The following STK33 variants were observed in gnomAD, a reference collection of about 807,000 sequenced individuals.
STK33 encodes the protein serine/threonine-protein kinase 33.
Under a neutral mutation model 58.0 loss-of-function variants are expected in STK33, and 52 were observed. The observed-to-expected ratio is 0.90, with a 90% confidence interval of 0.72 to 1.13. The LOEUF is 1.13. Ranked by LOEUF, STK33 falls within the 50% of genes most tolerant of loss-of-function variation. STK33 has a pLI of 0.00. For synonymous variants in STK33, 215 were observed against 200.1 expected, an observed-to-expected ratio of 1.07 and a Z score of -0.63; for missense variants, 630 against 604.2, an observed-to-expected ratio of 1.04 and a Z score of -0.45.
the STK33 span, among the ~76,000 whole-genome samples, chr11:8,368,012 C>A: frequency 6.6e-6 from 1 of 152,064 alleles, no homozygotes; most frequent in African/African-American, 2.4e-5. Flanking sequence ...GGAAGGGCAG[C>A]GAGCATGTGA....
chr11:8,395,231 A>G (rs1475685726), intron 15 of STK33, among the ~76,000 whole-genome samples: 4 of 152,208 alleles, frequency 2.6e-5, no homozygotes, highest in Non-Finnish European at 4.4e-5. Context: ...GGAGGGACCC[A>G]GTGGGAGGTA....
chr11:8,571,218 G>T (rs1428616582), intron 1 of STK33, among the ~76,000 whole-genome samples: 1 of 152,138 alleles, frequency 6.6e-6, no homozygotes, highest in African/African-American at 2.4e-5. Context: ...CATGAGTCTC[G>T]GCTAAGAGCT....
chr11:8,571,558 G>A (rs1008020527), intron 1 of STK33, among the ~76,000 whole-genome samples: 1 of 152,194 alleles, frequency 6.6e-6, no homozygotes, highest in African/African-American at 2.4e-5. Flanking sequence ...ATGGGGCCAG[G>A]CATGGTGGCT....
chr11:8,451,965 G>A (rs1946333946), intron 11 of STK33, among the ~76,000 whole-genome samples: 1 of 152,192 alleles, frequency 6.6e-6, no homozygotes, highest in African/African-American at 2.4e-5. Flanking sequence ...AACACTGGGA[G>A]GCCAAGGCAG....
At chr11:8,358,139 C>T in the STK33 span, among the ~76,000 whole-genome samples, 1 of 152,256 alleles carries the variant, frequency 6.6e-6, no homozygotes, top group African/African-American at 2.4e-5. Flanking sequence ...TGGGCCTTCT[C>T]CTGCACTTCC....
At chr11:8,587,082 A>G (rs947955817) in intron 1 of STK33, among the ~76,000 whole-genome samples, 1 of 152,184 alleles carries the variant, frequency 6.6e-6, no homozygotes, top group African/African-American at 2.4e-5. Flanking sequence ...TGTCTGATGC[A>G]CAGTAGGTGA....
At chr11:8,432,558 T>C (rs544397220) in intron 14 of STK33, among the ~76,000 whole-genome samples, 3 of 152,328 alleles carry the variant, frequency 2.0e-5, no homozygotes, top group South Asian at 4.1e-4. Flanking sequence ...GAAATAGTTA[T>C]TTTTCTTAGA....
In STK33 at chr11:8,461,752, T is replaced by C. The variant is rs1006772418; in HGVS notation, c.558+53A>G. On this transcript the variant is annotated intron_variant, in intron 8 of 15. Transcript: ENST00000687296. ...GGGATTATTTCAGAATGGAATGATATTCATTTTGTAATAATAACAACTTTC... is the reference window on the plus strand; with the variant it reads ...GGGATTATTTCAGAATGGAATGATACTCATTTTGTAATAATAACAACTTTC... 16 of 1,386,396 alleles carry C rather than the reference T, an allele frequency of 1.2e-5. No homozygotes were observed. The East Asian group carries it at 1.6e-4, about 14-fold the overall frequency. The allele number at this position is 1,386,396 out of a possible 1,614,324, so 85.9% of individuals were successfully genotyped here.
At chr11:8,402,471 G>T (rs1475768923) in intron 15 of STK33, among the ~76,000 whole-genome samples, 1 of 152,128 alleles carries the variant, frequency 6.6e-6, no homozygotes, top group Non-Finnish European at 1.5e-5. Flanking sequence ...GTTGTGGGGT[G>T]GGGGCAGCGA....
intron 11 of STK33, among the ~76,000 whole-genome samples, chr11:8,448,954 C>T (rs1473074732): frequency 4.6e-5 from 7 of 151,534 alleles, no homozygotes; most frequent in African/African-American, 1.2e-4. Flanking sequence ...CAAACAACCC[C>T]ATCAAAAAGT....
At chr11:8,556,821 C>T (rs1279415528) in intron 1 of STK33, among the ~76,000 whole-genome samples, 3 of 152,046 alleles carry the variant, frequency 2.0e-5, no homozygotes, top group Non-Finnish European at 4.4e-5. Flanking sequence ...ATATTAGGCA[C>T]CTAACAAATA....
intron 1 of STK33, among the ~76,000 whole-genome samples, chr11:8,521,936 C>T (rs1258976048): frequency 1.3e-5 from 2 of 152,170 alleles, no homozygotes; most frequent in Admixed American, 1.3e-4. Context: ...GATACCATCT[C>T]ATGCCAGTTA....
chr11:8,593,393 C>G (rs1229331617), intron 1 of STK33, among the ~76,000 whole-genome samples: 1 of 152,146 alleles, frequency 6.6e-6, no homozygotes, highest in African/African-American at 2.4e-5. Flanking sequence ...GAGCACCAGA[C>G]CACTCTTAGC....
intron 1 of STK33, among the ~76,000 whole-genome samples, chr11:8,557,627 G>C (rs949315149): frequency 6.6e-6 from 1 of 151,998 alleles, no homozygotes; most frequent in Non-Finnish European, 1.5e-5. Context: ...CAGATGTAAA[G>C]AAGGCAATTA....
At chr11:8,556,329 T>C (rs1956743081) in intron 1 of STK33, among the ~76,000 whole-genome samples, 1 of 152,216 alleles carries the variant, frequency 6.6e-6, no homozygotes. Flanking sequence ...ATGCAGATGA[T>C]ATAGCACAGT....
chr11:8,496,902 C>G (rs142085909), intron 1 of STK33, among the ~76,000 whole-genome samples: 135 of 152,042 alleles, frequency 8.9e-4, no homozygotes, highest in African/African-American at 3.2e-3. Context: ...TGTTAGGTAG[C>G]ATCCCCCAAA....
intron 15 of STK33, among the ~76,000 whole-genome samples, chr11:8,399,884 T>C (rs1427014744): frequency 1.3e-5 from 2 of 152,174 alleles, no homozygotes; most frequent in Non-Finnish European, 2.9e-5. Context: ...ATGGATAAAT[T>C]CCTCAACACA....
At chr11:8,414,464 A>C (rs956009875) in intron 14 of STK33, among the ~76,000 whole-genome samples, 11 of 152,182 alleles carry the variant, frequency 7.2e-5, no homozygotes, top group Admixed American at 5.9e-4. Context: ...TATTTAGATT[A>C]AAATGAGAAG....
chr11:8,445,440 G>A (rs1020939702), intron 11 of STK33, among the ~76,000 whole-genome samples: 3 of 152,168 alleles, frequency 2.0e-5, no homozygotes, highest in Admixed American at 6.5e-5. Context: ...GTGAGAGAGG[G>A]CATCCTTCTC....
Sources: gnomAD v4.1 joint callset for allele counts (sites outside exome capture counted in the v4.1 genomes callset) on GRCh38, gnomAD v4.1.1 for gene constraint, MANE v1.5 for transcripts, NCBI Gene and HGNC (gene_info 2026-07-23, HGNC 2026-07-21) for gene names.